MEGF11: variants seen among roughly 807,000 people sequenced by gnomAD.
The protein encoded by MEGF11 is multiple EGF like domains 11.
Under a neutral mutation model 146.6 loss-of-function variants are expected in MEGF11, and 126 were observed. The ratio of observed to expected loss-of-function variants is 0.86; its 90% CI spans 0.74 to 1.00. The LOEUF (loss-of-function observed/expected upper bound fraction) is 1.00, where lower values mean the gene tolerates loss of function less well. MEGF11 is among the 50% of genes least tolerant of loss of function. The pLI, the probability that MEGF11 is intolerant of heterozygous loss-of-function variation, is 0.00. For synonymous variants in MEGF11, 532 were observed against 583.4 expected (o/e 0.91, Z 1.27); for missense variants, 1,509 against 1,521.2 (o/e 0.99, Z 0.13).
chr15:66,151,867 C>A (rs1282797159), intron 1 of MEGF11, among the ~76,000 whole-genome samples: 2 of 152,260 alleles, frequency 1.3e-5, no homozygotes, highest in Non-Finnish European at 2.9e-5. Flanking sequence ...GGCTCCCTCC[C>A]CACCCGGCTG....
intron 4 of MEGF11, among the ~76,000 whole-genome samples, chr15:66,116,117 G>T (rs1447271102): frequency 1.3e-5 from 2 of 152,142 alleles, no homozygotes; most frequent in Non-Finnish European, 1.5e-5. Flanking sequence ...TGCTGATGGG[G>T]TTCCCTCTCC....
chr15:66,004,578 C>T (rs2082465555), intron 5 of MEGF11, among the ~76,000 whole-genome samples: 1 of 152,158 alleles, frequency 6.6e-6, no homozygotes, highest in Admixed American at 6.5e-5. Context: ...AACCTCTTCT[C>T]AACAGCCACC....
At chr15:65,910,008 C>G (rs1333862156) in intron 21 of MEGF11, 2 of 687,972 alleles carry the variant, frequency 2.9e-6, no homozygotes, top group Admixed American at 4.1e-5. Flanking sequence ...AGAACATACC[C>G]CACCCCAGCT....
intron 1 of MEGF11, among the ~76,000 whole-genome samples, chr15:66,232,056 C>T (rs2091977690): frequency 6.6e-6 from 1 of 152,208 alleles, no homozygotes; most frequent in Admixed American, 6.5e-5. Flanking sequence ...GGTGGTAGAG[C>T]TGAGCCTTGA....
chr15:65,997,625 G>C (rs1056427505), intron 5 of MEGF11, among the ~76,000 whole-genome samples: 3 of 152,104 alleles, frequency 2.0e-5, no homozygotes, highest in Admixed American at 1.3e-4. Flanking sequence ...TTTGTTTACT[G>C]TCTGGGATTC....
chr15:66,215,792 G>A (rs950566000), intron 1 of MEGF11, among the ~76,000 whole-genome samples: 1 of 152,210 alleles, frequency 6.6e-6, no homozygotes, highest in African/African-American at 2.4e-5. Flanking sequence ...TGGCAGGAGG[G>A]AATGAGGGAC....
intron 15 of MEGF11, among the ~76,000 whole-genome samples, chr15:65,919,556 A>T (rs1420771158): frequency 6.6e-6 from 1 of 152,246 alleles, no homozygotes; most frequent in Non-Finnish European, 1.5e-5. Flanking sequence ...AAATGCTGAC[A>T]CAGACACGAA....
At chr15:65,930,001 G>C in intron 11 of MEGF11, 118 bp from the exon 12 acceptor site, 1 of 1,014,418 alleles carries the variant, frequency 9.9e-7, no homozygotes, top group South Asian at 1.6e-5. Context: ...CTGAGGGCTG[G>C]GTTAGAACAC....
chr15:65,970,814 C>T (rs1469031672), intron 7 of MEGF11, 125 bp from the exon 8 acceptor site: 19 of 1,105,940 alleles, frequency 1.7e-5, no homozygotes, highest in Non-Finnish European at 5.1e-6. Flanking sequence ...GACAGCTGGA[C>T]ACCAGGGCTC....
intron 1 of MEGF11, among the ~76,000 whole-genome samples, chr15:66,197,509 G>A (rs1037050689): frequency 2.0e-5 from 3 of 152,080 alleles, no homozygotes; most frequent in Non-Finnish European, 4.4e-5. Context: ...TACAACCTCC[G>A]CCTCCCGGGT....
At chr15:65,975,951 G>C (rs1030195726) in intron 7 of MEGF11, among the ~76,000 whole-genome samples, 7 of 151,992 alleles carry the variant, frequency 4.6e-5, no homozygotes, top group Admixed American at 1.3e-4. Context: ...CAGGGGGAGA[G>C]AGCAGCCAGA....
At chr15:66,134,852 A>G (rs114762927) in intron 1 of MEGF11, among the ~76,000 whole-genome samples, 2,532 of 152,366 alleles carry the variant, frequency 0.017, 75 homozygotes, top group African/African-American at 0.057. Flanking sequence ...CTGGGAGCAG[A>G]AAGAGTCCAA....
At chr15:66,223,105 G>A (rs1280368732) in intron 1 of MEGF11, among the ~76,000 whole-genome samples, 2 of 152,142 alleles carry the variant, frequency 1.3e-5, no homozygotes, top group Non-Finnish European at 2.9e-5. Context: ...AACAACCAAT[G>A]AATGGATAAA....
intron 5 of MEGF11, among the ~76,000 whole-genome samples, chr15:66,034,398 GT>G (rs58298192): frequency 0.93 from 134,305 of 145,146 alleles, 62,868 homozygotes; most frequent in East Asian, 1. Flanking sequence ...TGGAATGCTG[GT>G]TTTTTTTTTT....
intron 5 of MEGF11, among the ~76,000 whole-genome samples, chr15:65,997,898 G>A (rs1056908662): frequency 6.6e-6 from 1 of 152,192 alleles, no homozygotes; most frequent in Non-Finnish European, 1.5e-5. Context: ...CCCGGACACT[G>A]AGAACCGAAG....
intron 5 of MEGF11, among the ~76,000 whole-genome samples, chr15:66,008,439 A>ACACACACACACG (rs2082596307): frequency 6.7e-6 from 1 of 149,398 alleles, no homozygotes; most frequent in African/African-American, 2.5e-5. Flanking sequence ...ACACACACAC[A>ACACACACACACG]CACACACACA....
chr15:66,132,002 C>A (rs2088666837), intron 1 of MEGF11, among the ~76,000 whole-genome samples: 1 of 152,204 alleles, frequency 6.6e-6, no homozygotes, highest in South Asian at 2.1e-4. Flanking sequence ...CACTCAAGGG[C>A]CTCTTATGCC....
At chr15:65,925,437 G>A (rs1412580782) in intron 13 of MEGF11, among the ~76,000 whole-genome samples, 1 of 152,178 alleles carries the variant, frequency 6.6e-6, no homozygotes, top group East Asian at 1.9e-4. Flanking sequence ...GACCTTCTTG[G>A]AGCTTAAGAC....
At chr15:66,117,107 T>G (rs918830782) in intron 4 of MEGF11, among the ~76,000 whole-genome samples, 5 of 152,150 alleles carry the variant, frequency 3.3e-5, no homozygotes, top group African/African-American at 1.2e-4. Context: ...GATCAGCGTA[T>G]GTAAAGTGAT....
Sources: allele counts gnomAD v4.1 joint callset (sites outside exome capture counted in the v4.1 genomes callset), GRCh38; gene constraint gnomAD v4.1.1; transcripts MANE v1.5; gene names NCBI Gene and HGNC (gene_info 2026-07-23, HGNC 2026-07-21).